PREX2: variants seen among roughly 807,000 people sequenced by gnomAD.
The protein encoded by PREX2 is phosphatidylinositol 3,4,5-trisphosphate-dependent Rac exchanger 2 protein.
In PREX2, 107 loss-of-function variants were observed where a neutral mutation model predicts 203.2. The ratio of observed to expected loss-of-function variants is 0.53; its 90% CI spans 0.45 to 0.62. PREX2 has a LOEUF of 0.62. PREX2 is among the 20% of genes least tolerant of loss of function. PREX2 has a pLI of 0.00. For synonymous variants in PREX2, 672 were observed against 663.6 expected (o/e 1.01, Z -0.19); for missense variants, 1,777 against 1,955.9 (o/e 0.91, Z 1.72).
Position 68,087,770 on chromosome 8 carries a change from C to G in PREX2, c.2074C>G (p.Arg692Gly). The G allele has an allele frequency of 1.2e-6, 2 of 1,613,708 alleles. No individual in the cohort carries two copies. Among genetic ancestry groups the G allele is most frequent in the Non-Finnish European group, 1.7e-6 (2 of 1,179,758 alleles). ...DSADGLGFQI[R>G]GFGPSVVHAV... is the part of the protein sequence containing the mutation. ...AGCTGATGGACTTGGCTTCCAGATCCGGGGATTTGGCCCTTCTGTTGTGCA... is the reference window on the plus strand; with the variant it reads ...AGCTGATGGACTTGGCTTCCAGATCGGGGGATTTGGCCCTTCTGTTGTGCA... Residue 692 changes from arginine (R) to glycine (G), a missense_variant, in exon 19 of 40, where the codon CGG (arginine) becomes GGG (glycine). By Grantham distance (125) the Arg-to-Gly change is moderately radical. Coordinates refer to ENST00000288368, the MANE Select transcript of PREX2 (RefSeq NM_024870.4).
At chr8:68,077,981 T>G (rs989976297) in intron 15 of PREX2, among the ~76,000 whole-genome samples, 5 of 152,154 alleles carry the variant, frequency 3.3e-5, no homozygotes, top group Non-Finnish European at 7.3e-5. Context: ...TTTTCTTGTC[T>G]GATGATTTCA....
intron 33 of PREX2, among the ~76,000 whole-genome samples, chr8:68,143,606 A>T (rs1047351417): frequency 6.6e-6 from 1 of 152,114 alleles, no homozygotes; most frequent in Non-Finnish European, 1.5e-5. Context: ...TTTTTATCAG[A>T]TGTGTCTTTT....
Position 68,053,259 on chromosome 8 carries a change from A to C in PREX2, c.1093+13A>C. On this transcript the variant is annotated intron_variant, in intron 9 of 39. Transcript: ENST00000288368. The stretch of plus-strand genomic sequence containing the variant: ...GAACGGCGGAAAGGTGGGTGTATGA[A>C]TTGGGCGCTGTTACACTTTGTGAAG... The C allele has an allele frequency of 5.0e-6, 8 of 1,613,008 alleles. No individual in the cohort carries two copies. Among genetic ancestry groups the C allele is most frequent in the Non-Finnish European group, 6.8e-6 (8 of 1,179,222 alleles).
At chr8:68,220,262 C>G (rs1050318777) in intron 38 of PREX2, 1 of 152,050 alleles carries the variant, frequency 6.6e-6, no homozygotes, top group Admixed American at 6.6e-5. Context: ...GAGAAGGGTA[C>G]TATGTTTTCA....
At chr8:68,228,944 TAAAAAAAAA>T (rs58993264) in intron 39 of PREX2, among the ~76,000 whole-genome samples, 1 of 103,538 alleles carries the variant, frequency 9.7e-6, no homozygotes, top group Non-Finnish European at 1.8e-5. Context: ...CTTGTCTCTT[TAAAAAAAAA>T]AAAAAAAAAA....
At chr8:68,019,746 T>TA in intron 3 of PREX2, 75 bp downstream of exon 3, 1 of 1,398,234 alleles carries the variant, frequency 7.2e-7, no homozygotes, top group South Asian at 1.3e-5. Context: ...CATAGTGGTA[T>TA]GTGTGAATTC....
intron 1 of PREX2, among the ~76,000 whole-genome samples, chr8:67,988,596 A>G (rs1326201444): frequency 6.6e-6 from 1 of 152,200 alleles, no homozygotes; most frequent in Non-Finnish European, 1.5e-5. Context: ...TGAAATGGAC[A>G]CAGGAGACTT....
At chr8:68,176,277 A>G (rs1304119557) in intron 35 of PREX2, among the ~76,000 whole-genome samples, 1 of 152,218 alleles carries the variant, frequency 6.6e-6, no homozygotes, top group African/African-American at 2.4e-5. Context: ...CATTCATTGC[A>G]TATCTTCTGA....
chr8:67,957,380 CTCT>C (rs1356913306), intron 1 of PREX2, among the ~76,000 whole-genome samples: 13 of 152,172 alleles, frequency 8.5e-5, no homozygotes, highest in African/African-American at 2.9e-4. Context: ...ATATGCATGT[CTCT>C]TAGCTCTTTC....
At position 68,161,807 on chromosome 8, in the gene PREX2, C is replaced by G. The variant is rs552336849; in HGVS notation, c.4346+4371C>G. Among the ~76,000 whole-genome samples the G allele has an allele frequency of 3.3e-5, 5 of 152,092 alleles. No homozygotes were observed. In the East Asian group the frequency reaches 9.7e-4, roughly 29 times the overall value. On this transcript the variant is annotated intron_variant, in intron 35 of 39. Transcript: ENST00000288368. ...TATCTGGTAGTTTTAGTTACACATA[C>G]TGATTACAGTTTGCATTAGTTTGTT... is the stretch of plus-strand genomic sequence containing the variant.
chr8:68,197,490 G>C (rs1040281268), intron 37 of PREX2, among the ~76,000 whole-genome samples: 2 of 152,012 alleles, frequency 1.3e-5, no homozygotes, highest in Non-Finnish European at 2.9e-5. Flanking sequence ...GGAACTGTGA[G>C]TCAATTAAAC....
chr8:68,144,711 C>T (rs951378683), intron 33 of PREX2, among the ~76,000 whole-genome samples: 7 of 152,082 alleles, frequency 4.6e-5, no homozygotes, highest in East Asian at 1.9e-4. Context: ...TGGCTTATGC[C>T]TGTAATCTCA....
intron 22 of PREX2, among the ~76,000 whole-genome samples, chr8:68,099,316 T>C (rs76005420): frequency 6.6e-6 from 1 of 151,948 alleles, no homozygotes; most frequent in East Asian, 1.9e-4. Context: ...GAAAAAAAAA[T>C]GTTCTGAGTG....
intron 17 of PREX2, chr8:68,082,310 T>C (rs1440780576): frequency 6.6e-6 from 1 of 152,228 alleles, no homozygotes; most frequent in Admixed American, 6.5e-5. Flanking sequence ...TATTTACCTT[T>C]GAACCTGTTT....
chr8:67,979,271 A>C (rs146472554), intron 1 of PREX2, among the ~76,000 whole-genome samples: 103 of 152,302 alleles, frequency 6.8e-4, no homozygotes, highest in African/African-American at 1.9e-3. Context: ...TCTTTTGTTG[A>C]GTTATGTCCT....
chr8:68,144,331 G>A (rs1055045747), intron 33 of PREX2, among the ~76,000 whole-genome samples: 3 of 152,012 alleles, frequency 2.0e-5, no homozygotes, highest in African/African-American at 7.2e-5. Context: ...AACATAAAAT[G>A]TCTTTCCATT....
At chr8:68,000,313 G>A (rs1585693133) in intron 1 of PREX2, among the ~76,000 whole-genome samples, 2 of 152,124 alleles carry the variant, frequency 1.3e-5, no homozygotes, top group Admixed American at 6.5e-5. Flanking sequence ...ACAGTTAGGC[G>A]AGAGAGAGCC....
chr8:67,985,718 G>T (rs1263271391), intron 1 of PREX2, among the ~76,000 whole-genome samples: 3 of 152,174 alleles, frequency 2.0e-5, no homozygotes, highest in Non-Finnish European at 4.4e-5. Context: ...AACTAAGAAG[G>T]ATACTCTTCC....
intron 34 of PREX2, among the ~76,000 whole-genome samples, chr8:68,156,379 T>C (rs1585833583): frequency 1.3e-5 from 2 of 152,248 alleles, no homozygotes; most frequent in African/African-American, 4.8e-5. Context: ...CATACGTTAA[T>C]GCACAGTTCT....
Sources: gnomAD v4.1 joint callset for allele counts (sites outside exome capture counted in the v4.1 genomes callset) on GRCh38, gnomAD v4.1.1 for gene constraint, MANE v1.5 for transcripts, NCBI Gene and HGNC (gene_info 2026-07-23, HGNC 2026-07-21) for gene names.